Variants in KCNJ5 observed in about 807,000 individuals in gnomAD.
KCNJ5 encodes the protein G protein-activated inward rectifier potassium channel 4.
In KCNJ5, 12 loss-of-function variants were observed where a neutral mutation model predicts 20.2. That is an observed-to-expected ratio of 0.59 (90% CI 0.38 to 0.96). The LOEUF (loss-of-function observed/expected upper bound fraction) is 0.96. KCNJ5 is among the 40% of genes least tolerant of loss of function. The probability of loss-of-function intolerance (pLI) is 0.00; values close to 1 mark genes in which losing one functional copy is unlikely to be tolerated. For synonymous variants in KCNJ5, 210 were observed against 213.9 expected, an observed-to-expected ratio of 0.98 and a Z score of 0.16; for missense variants, 449 against 557.6, an observed-to-expected ratio of 0.81 and a Z score of 1.96.
chr11:128,910,199 T>C (rs935068688), intron 1 of KCNJ5, among the ~76,000 whole-genome samples: 3 of 152,220 alleles, frequency 2.0e-5, no homozygotes, highest in Non-Finnish European at 4.4e-5. Context: ...ATGAGAGTCT[T>C]AAAGCTCGTT....
chr11:128,895,382 A>ACCCCCCCCC (rs59889127), intron 1 of KCNJ5, among the ~76,000 whole-genome samples: 2 of 141,310 alleles, frequency 1.4e-5, no homozygotes, highest in African/African-American at 2.7e-5. Context: ...GTGTGCCCCC[A>ACCCCCCCCC]CCCCCCCCCC....
In KCNJ5 at chr11:128,897,093, C is replaced by CTTTTTTTT. The variant is rs35966521; in HGVS notation, c.-11+5387_-11+5394dup. Among the ~76,000 whole-genome samples the CTTTTTTTT allele has an allele frequency of 2.0e-5, 2 of 100,068 alleles. 1 individual carries two copies. 65.6% of individuals were successfully genotyped at this position (100,068 alleles called of 152,430 possible). ...CCCTGATTACTAATACCGTTTACCA[C>CTTTTTTTT]TTTTTTTTTTTTTTTTTTTTTTGAG... On this transcript the variant is annotated intron_variant, in intron 1 of 2. Coordinates refer to ENST00000529694, the MANE Select transcript of KCNJ5 (RefSeq NM_000890.5).
intron 1 of KCNJ5, among the ~76,000 whole-genome samples, chr11:128,895,813 T>G (rs1205565005): frequency 6.6e-6 from 1 of 152,244 alleles, no homozygotes; most frequent in African/African-American, 2.4e-5. Context: ...GAAGGCAGGC[T>G]GCTCTTATGG....
At chr11:128,909,444 G>A (rs1944468257) in intron 1 of KCNJ5, among the ~76,000 whole-genome samples, 1 of 152,234 alleles carries the variant, frequency 6.6e-6, no homozygotes, top group Non-Finnish European at 1.5e-5. Flanking sequence ...GAACTTACAT[G>A]TAGAGCGCTG....
rs77092337 is a variant in KCNJ5 at position 128,916,827 on chromosome 11, G to C, written c.*96G>C. The C allele has an allele frequency of 3.1e-6, 3 of 969,868 alleles. No homozygotes were observed. The highest frequency in any genetic ancestry group is 1.7e-5 in the South Asian group (1 of 59,356). The allele number at this position is 969,868 out of a possible 1,614,324, so 60.1% of individuals were successfully genotyped here. On this transcript the variant is annotated 3_prime_UTR_variant, in exon 3 of 3. Coordinates refer to ENST00000529694, the MANE Select transcript of KCNJ5 (RefSeq NM_000890.5). ...GGGGAGGGGAATAGTTGAGTGTGCT[G>C]TTTGGGGGCTCAGGAGCCATCAAGG...
chr11:128,920,806 C>T lies in KCNJ5; in HGVS notation c.*4075C>T, dbSNP rs544072166. On this transcript the variant is annotated 3_prime_UTR_variant, in exon 3 of 3. Coordinates refer to ENST00000529694, the MANE Select transcript of KCNJ5 (RefSeq NM_000890.5). ...CACATCCACGGCACCACGCTGGGCC[C>T]AGGCAACAGAGATAAGGAGAGCCCT... 2.0e-5 allele frequency: 3 copies of T among 152,402 alleles called. No individual in the cohort carries two copies. Among genetic ancestry groups the T allele is most frequent in the East Asian group, 3.9e-4 (2 of 5,184 alleles). The allele number at this position is 152,402 out of a possible 1,614,324, so 9.4% of individuals were successfully genotyped here.
chr11:128,912,473 C>G (rs1159769231), intron 2 of KCNJ5, among the ~76,000 whole-genome samples: 1 of 151,824 alleles, frequency 6.6e-6, no homozygotes, highest in African/African-American at 2.4e-5. Flanking sequence ...TCCTCCCACG[C>G]CCTATGAGAT....
At chr11:128,913,190 T>C (rs1944527435) in intron 2 of KCNJ5, among the ~76,000 whole-genome samples, 1 of 152,236 alleles carries the variant, frequency 6.6e-6, no homozygotes, top group Non-Finnish European at 1.5e-5. Context: ...AGGGCTTTTG[T>C]GGCTGGGCTC....
chr11:128,908,216 T>A (rs1465544786), intron 1 of KCNJ5, among the ~76,000 whole-genome samples: 1 of 152,216 alleles, frequency 6.6e-6, no homozygotes, highest in East Asian at 1.9e-4. Context: ...AAATTTCAAT[T>A]TGAGGAGAGA....
chr11:128,913,635 T>C (rs1334377415), intron 2 of KCNJ5, among the ~76,000 whole-genome samples: 1 of 151,608 alleles, frequency 6.6e-6, no homozygotes, highest in Admixed American at 6.6e-5. Flanking sequence ...TAAGGATGGG[T>C]TCTAGAAACT....
At position 128,918,695 on chromosome 11, in the gene KCNJ5, A is replaced by T. The variant is rs2604199; in HGVS notation, c.*1964A>T. On this transcript the variant is annotated 3_prime_UTR_variant, in exon 3 of 3. Transcript: ENST00000529694. Reference sequence around the variant, plus strand: ...GAGCTTAGGCCCGGTTCATCTCAGAAGTGTTTTCTAGGCCTGGGGCTGAAA... The same window carrying T: ...GAGCTTAGGCCCGGTTCATCTCAGATGTGTTTTCTAGGCCTGGGGCTGAAA... 113,317 of 152,290 alleles carry T rather than the reference A, an allele frequency of 0.74. 42,364 individuals are homozygous for T. Among genetic ancestry groups the T allele is most frequent in the African/African-American group, 0.79 (32,831 of 41,530 alleles). 9.4% of individuals were successfully genotyped at this position (152,290 alleles called of 1,614,324 possible).
intron 2 of KCNJ5, among the ~76,000 whole-genome samples, chr11:128,915,846 G>GAT: frequency 1.4e-5 from 2 of 138,146 alleles, no homozygotes; most frequent in Admixed American, 1.5e-4. Context: ...TGACTGGATG[G>GAT]GTGGACGATT....
intron 1 of KCNJ5, chr11:128,906,004 C>A (rs1944407098): frequency 6.6e-6 from 1 of 152,152 alleles, no homozygotes; most frequent in Non-Finnish European, 1.5e-5. Flanking sequence ...CTTGCTGATT[C>A]TCCTTCCTTA....
At chr11:128,901,635 A>G (rs1944281224) in intron 1 of KCNJ5, 1 of 152,266 alleles carries the variant, frequency 6.6e-6, no homozygotes, top group African/African-American at 2.4e-5. Context: ...CATCCTCGTC[A>G]ACACCCTGAC....
intron 1 of KCNJ5, among the ~76,000 whole-genome samples, chr11:128,894,115 G>A (rs554610752): frequency 8.6e-5 from 13 of 151,974 alleles, no homozygotes; most frequent in South Asian, 2.1e-4. Context: ...TCCTGCCTGC[G>A]GTGGGCGAAG....
rs777802024 is a variant in KCNJ5, at chr11:128,911,798, C to T, written c.525C>T (p.Gly175=). 1.9e-6 allele frequency: 3 copies of T among 1,614,230 alleles called. No individual in the cohort carries two copies. The highest frequency in any genetic ancestry group is 1.1e-5 in the South Asian group (1 of 91,080). ...IILLLVQAIL[G]SIVNAFMVGC... ...TCCTCTTGGTCCAGGCCATCCTGGG[C>T]TCCATCGTCAATGCCTTCATGGTGG... Residue 175 remains glycine (G), a synonymous_variant, in exon 2 of 3, where the codon GGC becomes GGT. Transcript: ENST00000529694. The surrounding 1 kb of genome is among the most constrained non-coding windows in gnomAD (Gnocchi z 6.3).
rs1057500939 is a variant in KCNJ5, at chr11:128,920,805, C to T, written c.*4074C>T. ...TCACATCCACGGCACCACGCTGGGCCCAGGCAACAGAGATAAGGAGAGCCC... is the reference window on the plus strand; with the variant it reads ...TCACATCCACGGCACCACGCTGGGCTCAGGCAACAGAGATAAGGAGAGCCC... On this transcript the variant is annotated 3_prime_UTR_variant, in exon 3 of 3. Transcript: ENST00000529694. 5.3e-5 allele frequency: 8 copies of T among 152,254 alleles called. No individual in the cohort carries two copies. The highest frequency in any genetic ancestry group is 1.0e-4 in the Non-Finnish European group (7 of 68,060). 9.4% of individuals were successfully genotyped at this position (152,254 alleles called of 1,614,324 possible).
intron 1 of KCNJ5, among the ~76,000 whole-genome samples, chr11:128,896,540 T>C (rs1452706181): frequency 1.3e-5 from 2 of 152,164 alleles, no homozygotes; most frequent in African/African-American, 4.8e-5. Context: ...TCTTTTGGGA[T>C]TGGCTTTTTT....
intron 1 of KCNJ5, among the ~76,000 whole-genome samples, chr11:128,896,881 T>C (rs1944185451): frequency 6.6e-6 from 1 of 152,090 alleles, no homozygotes; most frequent in Non-Finnish European, 1.5e-5. Context: ...TAGTTGTATG[T>C]TTAGTTTTTT....
Sources: allele counts gnomAD v4.1 joint callset (sites outside exome capture counted in the v4.1 genomes callset), GRCh38; gene constraint gnomAD v4.1.1; non-coding constraint Gnocchi (gnomAD v3.1); transcripts MANE v1.5; gene names NCBI Gene and HGNC (gene_info 2026-07-23, HGNC 2026-07-21).